Variants in PML observed in about 807,000 individuals in gnomAD.
PML encodes the protein PML nuclear body scaffold, also known as protein PML.
In PML, 28 loss-of-function variants were observed where a neutral mutation model predicts 65.2. That is an observed-to-expected ratio of 0.43 (90% confidence interval 0.32 to 0.59). The LOEUF (loss-of-function observed/expected upper bound fraction) is 0.59, where lower values mean the gene tolerates loss of function less well. Ranked by LOEUF, PML falls within the 20% of genes least tolerant of loss-of-function variation. PML has a pLI of 0.08. For missense variants in PML, 1,021 were observed against 1,203.4 expected (o/e 0.85, Z 2.24); for synonymous variants, 500 against 508.8 (o/e 0.98, Z 0.23).
intron 2 of PML, among the ~76,000 whole-genome samples, chr15:74,014,460 G>A (rs1007990019): frequency 6.6e-6 from 1 of 151,028 alleles, no homozygotes; most frequent in Non-Finnish European, 1.5e-5. Flanking sequence ...AGCCTCCCAA[G>A]TAGCTGGGAT....
At chr15:74,005,580 T>C (rs199878265) in intron 2 of PML, among the ~76,000 whole-genome samples, 2 of 137,068 alleles carry the variant, frequency 1.5e-5, no homozygotes, top group African/African-American at 5.2e-5. Flanking sequence ...TGGGTTTTTT[T>C]CCCCCCAGCA....
At chr15:74,025,094 G>T in intron 4 of PML, 167 bp downstream of exon 4, 1 of 634,086 alleles carries the variant, frequency 1.6e-6, no homozygotes, top group South Asian at 1.8e-5. Context: ...ATTAAAGAAG[G>T]GTTGGCTGGC....
Position 74,043,300 on chromosome 15 carries a change from G to C in PML, c.1861+161G>C, listed in dbSNP as rs998767669. On this transcript the variant is annotated intron_variant, in intron 8 of 8. Transcript: ENST00000268058. The surrounding 1 kb of genome is among the most constrained non-coding windows in gnomAD (Gnocchi z 4.3). ...GCACTCCGGCTCACCTGGGCTCCTG[G>C]CGTGTCATTTGCTGGCTTGAATAAA... 9 of 1,502,952 alleles carry C rather than the reference G, an allele frequency of 6.0e-6. No individual in the cohort carries two copies. In the African/African-American group the frequency reaches 1.3e-4, roughly 21 times the overall value. 93.1% of individuals were successfully genotyped at this position (1,502,952 alleles called of 1,614,324 possible).
At chr15:74,023,511 G>A in intron 3 of PML, 103 bp downstream of exon 3, 1 of 953,768 alleles carries the variant, frequency 1.0e-6, no homozygotes, top group Non-Finnish European at 1.6e-6. Flanking sequence ...AGAAAACTGG[G>A]TGTTTATTCA....
In PML at chr15:74,023,178, G is replaced by A. The variant is rs1227334631; in HGVS notation, c.953G>A (p.Arg318His). 1.2e-6 allele frequency: 2 copies of A among 1,606,244 alleles called. No homozygotes were observed. The highest frequency in any genetic ancestry group is 1.7e-6 in the Non-Finnish European group (2 of 1,177,432). Residue 318 changes from arginine (R) to histidine (H), a missense_variant, in exon 3 of 9, where the codon CGC (arginine) becomes CAC (histidine). Transcript: ENST00000268058. ...DYEEMASRLG[R>H]LDAVLQRIRT... ...GAGGAGATGGCCAGTCGGCTGGGCC[G>A]CCTGGATGCTGTGCTGCAGCGCATC...
intron 2 of PML, among the ~76,000 whole-genome samples, chr15:74,017,564 G>T (rs1277642505): frequency 6.6e-6 from 1 of 151,992 alleles, no homozygotes; most frequent in African/African-American, 2.4e-5. Flanking sequence ...CAGGAGAATC[G>T]CTTGAACCCA....
chr15:74,037,142 C>T lies in PML; in HGVS notation c.1710+2612C>T, dbSNP rs185846659. ...TGCTAAGGGCTCCTTGGTGCTCCGCCCAGCATGTCCTTTTGCTCTGCAGGG... is the reference window on the plus strand; with the variant it reads ...TGCTAAGGGCTCCTTGGTGCTCCGCTCAGCATGTCCTTTTGCTCTGCAGGG... On this transcript the variant is annotated intron_variant, in intron 7 of 8. Coordinates refer to ENST00000268058, the MANE Select transcript of PML (RefSeq NM_033238.3). This position sits in a 1 kb window ranked among gnomAD's most constrained non-coding sequence, Gnocchi z 4.2. 1.5e-5 allele frequency: 15 copies of T among 985,426 alleles called. No individual in the cohort carries two copies. The East Asian group carries it at 1.5e-3, about 97-fold the overall frequency. The allele number at this position is 985,426 out of a possible 1,614,324, so 61.0% of individuals were successfully genotyped here.
chr15:74,022,989 G>A lies in PML; in HGVS notation c.764G>A (p.Gly255Asp). ...QALQEQDSAF[G>D]AVHAQMHAAV... Reference sequence around the variant, plus strand: ...CTGCAGGAGCAGGATAGTGCCTTTGGCGCGGTTCACGCGCAGATGCACGCG... The same window carrying A: ...CTGCAGGAGCAGGATAGTGCCTTTGACGCGGTTCACGCGCAGATGCACGCG... The change falls in exon 3 of 9, where the codon GGC (glycine) becomes GAC (aspartate). Residue 255 changes from glycine (G) to aspartate (D), a missense_variant. Coordinates refer to ENST00000268058, the MANE Select transcript of PML (RefSeq NM_033238.3). 6.2e-7 allele frequency: 1 copy of A among 1,609,940 alleles called. No homozygotes were observed. The highest frequency in any genetic ancestry group is 1.7e-4 in the Middle Eastern group (1 of 6,058).
chr15:74,019,449 CA>C (rs2070739191), intron 2 of PML, among the ~76,000 whole-genome samples: 1 of 151,874 alleles, frequency 6.6e-6, no homozygotes. Context: ...TTTTTAATTT[CA>C]AAAAAAGGAA....
chr15:74,028,509 T>C (rs2071180106), intron 4 of PML: 1 of 152,170 alleles, frequency 6.6e-6, no homozygotes, highest in African/African-American at 2.4e-5. Context: ...ATCTTAACCA[T>C]TTCAAAATGT....
In PML at chr15:74,023,138, T is replaced by C. The variant is rs538982599; in HGVS notation, c.913T>C (p.Tyr305His). 2 of 1,604,562 alleles carry C rather than the reference T, an allele frequency of 1.2e-6. No individual in the cohort carries two copies. Among genetic ancestry groups the C allele is most frequent in the African/African-American group, 1.3e-5 (1 of 74,984 alleles). Residue 305 changes from tyrosine (Y) to histidine (H), a missense_variant, in exon 3 of 9, where the codon TAC (tyrosine) becomes CAC (histidine). Tyr to His is a moderately conservative substitution (Grantham distance 83, BLOSUM62 2). Transcript: ENST00000268058. ...RELLEAVDAR[Y>H]QRDYEEMASR... is the part of the protein sequence containing the mutation. ...GCTGCTGGAGGCTGTGGACGCGCGG[T>C]ACCAGCGCGACTACGAGGAGATGGC...
At chr15:74,010,205 T>TC (rs936844342) in intron 2 of PML, among the ~76,000 whole-genome samples, 12 of 131,364 alleles carry the variant, frequency 9.1e-5, no homozygotes, top group Admixed American at 1.5e-4. Flanking sequence ...TTTTTTTTTT[T>TC]TTTTTTTTGT....
intron 2 of PML, among the ~76,000 whole-genome samples, chr15:74,013,629 A>C (rs141420421): frequency 6.6e-6 from 1 of 151,820 alleles, no homozygotes; most frequent in Non-Finnish European, 1.5e-5. Flanking sequence ...GCATGACTGA[A>C]TAGAAGAGCT....
chr15:73,995,104 G>A (rs1251799734), intron 1 of PML, among the ~76,000 whole-genome samples, 163 bp downstream of exon 1: 4 of 152,236 alleles, frequency 2.6e-5, no homozygotes, highest in Non-Finnish European at 5.9e-5. Flanking sequence ...GGGTGGGGCA[G>A]GGAAGGGAGG....
At chr15:74,014,330 A>C (rs2070465191) in intron 2 of PML, among the ~76,000 whole-genome samples, 1 of 151,888 alleles carries the variant, frequency 6.6e-6, no homozygotes, top group African/African-American at 2.4e-5. Context: ...GGTACTTAGT[A>C]ATTTTGGGGG....
At chr15:74,038,338 G>A (rs1161633850) in intron 7 of PML, among the ~76,000 whole-genome samples, 1 of 151,964 alleles carries the variant, frequency 6.6e-6, no homozygotes, top group African/African-American at 2.4e-5. Flanking sequence ...GGAGTCATTA[G>A]GGGCTATACA....
rs138775462 is a variant in PML, at chr15:74,032,667, C to T, written c.1350C>T (p.His450=). 2.2e-5 allele frequency: 36 copies of T among 1,614,192 alleles called. No homozygotes were observed. In the Middle Eastern group the frequency reaches 8.3e-4, roughly 37 times the overall value. ...MAVVQSVPGA[H]PVPVYAFSIK... ...TGGTACAGTCAGTGCCCGGGGCACA[C>T]CCCGTGCCAGTGTACGCCTTCTCCA... Residue 450 remains histidine, a synonymous_variant, in exon 5 of 9, where the codon CAC becomes CAT. Coordinates refer to ENST00000268058, the MANE Select transcript of PML (RefSeq NM_033238.3).
rs143616011 is a variant in PML, at chr15:74,043,072, G to C, written c.1794G>C (p.Glu598Asp). 1.1e-5 allele frequency: 18 copies of C among 1,613,344 alleles called. No individual in the cohort carries two copies. The highest frequency in any genetic ancestry group is 1.4e-5 in the Non-Finnish European group (16 of 1,179,932). Residue 598 changes from glutamate to aspartate, a missense_variant, in exon 8 of 9, where the codon GAG becomes GAC. Glu to Asp is a conservative substitution (Grantham distance 45, BLOSUM62 2). Transcript: ENST00000268058. This position sits in a 1 kb window ranked among gnomAD's most constrained non-coding sequence, Gnocchi z 4.3. ...CCAGCACCCTCAGGGTCCTGGACGA[G>C]AACCTTGCTGACCCCCAAGCAGAAG... ...EGPSTLRVLDENLADPQAEDR... is the reference protein window; with the variant it reads ...EGPSTLRVLDDNLADPQAEDR...
In PML at chr15:74,023,425, C is replaced by T; in HGVS notation, c.1183+17C>T. On this transcript the variant is annotated intron_variant, in intron 3 of 8. Transcript: ENST00000268058. ...AGGGGAAAGGTAAGCACGCACGCCA[C>T]CTTCCTGGGCGGCCTGTGCCTCTGC... The T allele has an allele frequency of 6.3e-7, 1 of 1,586,038 alleles. No individual in the cohort carries two copies. The highest frequency in any genetic ancestry group is 1.1e-5 in the South Asian group (1 of 90,342).
Sources: allele counts gnomAD v4.1 joint callset (sites outside exome capture counted in the v4.1 genomes callset), GRCh38; gene constraint gnomAD v4.1.1; non-coding constraint Gnocchi (gnomAD v3.1); transcripts MANE v1.5; gene names NCBI Gene and HGNC (gene_info 2026-07-23, HGNC 2026-07-21).